The following CYP2C18 variants were observed in gnomAD, a reference collection of about 807,000 sequenced individuals.
The protein encoded by CYP2C18 is cytochrome P450 family 2 subfamily C member 18.
In CYP2C18, 38 loss-of-function variants were observed where a neutral mutation model predicts 41.3. That is an observed-to-expected ratio of 0.92 (90% CI 0.71 to 1.21). The LOEUF (loss-of-function observed/expected upper bound fraction) is 1.21. Ranked by LOEUF, CYP2C18 falls within the 50% of genes most tolerant of loss-of-function variation. The probability of loss-of-function intolerance (pLI) is 0.00; values close to 1 mark genes in which losing one functional copy is unlikely to be tolerated. For synonymous variants in CYP2C18, 236 were observed against 210.0 expected, an observed-to-expected ratio of 1.12 and a Z score of -1.07; for missense variants, 635 against 591.4, an observed-to-expected ratio of 1.07 and a Z score of -0.77.
chr10:94,693,811 C>T (rs1174250584), intron 3 of CYP2C18, among the ~76,000 whole-genome samples: 1 of 152,150 alleles, frequency 6.6e-6, no homozygotes, highest in Non-Finnish European at 1.5e-5. Context: ...ATTCATGATA[C>T]TCTCACATGT....
At position 94,724,539 on chromosome 10, in the gene CYP2C18, C is replaced by T. The variant is rs1189742720; in HGVS notation, c.1149+6C>T. The stretch of plus-strand genomic sequence containing the variant: ...AAAACTACCTCATCCCCAAGGTAAG[C>T]TTGTTTCTCCTACACTACATCTCCA... On this transcript the variant is annotated splice_donor_region_variant and intron_variant, in intron 7 of 8. Transcript: ENST00000285979. The T allele has an allele frequency of 1.9e-6, 3 of 1,611,514 alleles. No homozygotes were observed. Among genetic ancestry groups the T allele is most frequent in the African/African-American group, 2.7e-5 (2 of 74,838 alleles).
At chr10:94,715,604 T>C (rs1847525389) in intron 5 of CYP2C18, among the ~76,000 whole-genome samples, 1 of 152,188 alleles carries the variant, frequency 6.6e-6, no homozygotes, top group African/African-American at 2.4e-5. Context: ...TTGAGGATTT[T>C]TGTATCGATG....
chr10:94,684,742 A>T (rs959251896), intron 1 of CYP2C18, among the ~76,000 whole-genome samples: 4 of 152,042 alleles, frequency 2.6e-5, no homozygotes, highest in Non-Finnish European at 5.9e-5. Flanking sequence ...ATCATCTGAT[A>T]GTTCTATTTT....
chr10:94,700,188 G>T (rs1442397002), intron 4 of CYP2C18, among the ~76,000 whole-genome samples: 1 of 152,282 alleles, frequency 6.6e-6, no homozygotes, highest in East Asian at 1.9e-4. Context: ...TAAGCCGAAA[G>T]AACAAAGCTG....
chr10:94,685,685 C>CA (rs1465753944), intron 1 of CYP2C18, among the ~76,000 whole-genome samples: 1 of 152,116 alleles, frequency 6.6e-6, no homozygotes, highest in Non-Finnish European at 1.5e-5. Context: ...GCACCTTTGT[C>CA]AAAAATCAAT....
chr10:94,711,824 C>CT lies in CYP2C18; in HGVS notation c.819+4874dup, dbSNP rs74571308. ...AGTCTGTACATGTCCAATATGAACA[C>CT]TTTTTTTTTTCTGAATTTTATTCTT... On this transcript the variant is annotated intron_variant, in intron 5 of 8. Coordinates refer to ENST00000285979, the MANE Select transcript of CYP2C18 (RefSeq NM_000772.3). Among the ~76,000 whole-genome samples the CT allele has an allele frequency of 2.1e-3, 307 of 148,888 alleles. 1 individual carries two copies. Among genetic ancestry groups the CT allele is most frequent in the Middle Eastern group, 0.014 (4 of 280 alleles).
chr10:94,685,709 G>A (rs780299667), intron 1 of CYP2C18, among the ~76,000 whole-genome samples: 33 of 152,146 alleles, frequency 2.2e-4, no homozygotes, highest in Non-Finnish European at 3.4e-4. Flanking sequence ...TTATAGATGT[G>A]TGGGCTTATT....
At chr10:94,693,592 A>C (rs1339566324) in intron 3 of CYP2C18, among the ~76,000 whole-genome samples, 3 of 152,160 alleles carry the variant, frequency 2.0e-5, no homozygotes, top group African/African-American at 7.2e-5. Context: ...GCATGCATGC[A>C]TGCACACACA....
intron 7 of CYP2C18, chr10:94,728,613 A>G (rs1847781301): frequency 2.0e-6 from 2 of 976,392 alleles, no homozygotes; most frequent in Non-Finnish European, 2.4e-6. Flanking sequence ...AGAAACATAT[A>G]GCATTTCTGT....
intron 7 of CYP2C18, among the ~76,000 whole-genome samples, chr10:94,728,382 A>C (rs112590419): frequency 6.6e-6 from 1 of 152,248 alleles, no homozygotes; most frequent in African/African-American, 2.4e-5. Flanking sequence ...TTTCATATGC[A>C]GTTAATAAAA....
intron 1 of CYP2C18, among the ~76,000 whole-genome samples, chr10:94,686,640 G>T (rs1357880217): frequency 6.6e-6 from 1 of 152,174 alleles, no homozygotes; most frequent in African/African-American, 2.4e-5. Flanking sequence ...ACATTCCTCA[G>T]CATTCCTCCT....
chr10:94,721,076 C>T (rs2134202909), intron 6 of CYP2C18, among the ~76,000 whole-genome samples: 1 of 151,842 alleles, frequency 6.6e-6, no homozygotes, highest in South Asian at 2.1e-4. Context: ...TGCAGTGGTG[C>T]AATCTTGGCT....
intron 7 of CYP2C18, among the ~76,000 whole-genome samples, chr10:94,732,150 A>G (rs1847844904): frequency 6.6e-5 from 10 of 152,244 alleles, no homozygotes. Context: ...AAATAATGCC[A>G]TTAAAAAGTA....
At chr10:94,707,058 A>G (rs2134191150) in intron 5 of CYP2C18, 98 bp downstream of exon 5, 2 of 955,274 alleles carry the variant, frequency 2.1e-6, no homozygotes, top group Middle Eastern at 2.5e-4. Flanking sequence ...TGAGCACTTT[A>G]TGTACTTACC....
chr10:94,712,304 A>T (rs1351869213), intron 5 of CYP2C18, among the ~76,000 whole-genome samples: 1 of 151,792 alleles, frequency 6.6e-6, no homozygotes, highest in African/African-American at 2.4e-5. Context: ...TTACTCCTCC[A>T]TTCTAACAGG....
chr10:94,728,626 T>A, intron 7 of CYP2C18: 1 of 976,370 alleles, frequency 1.0e-6, no homozygotes, highest in Non-Finnish European at 1.2e-6. Flanking sequence ...ATTTCTGTGA[T>A]CAACCCCTCA....
At chr10:94,707,572 C>A (rs1224867615) in intron 5 of CYP2C18, among the ~76,000 whole-genome samples, 3 of 152,060 alleles carry the variant, frequency 2.0e-5, no homozygotes, top group African/African-American at 7.2e-5. Context: ...TGAGCCCTAA[C>A]AAGAGTGGGA....
At chr10:94,727,404 C>G (rs558966952) in intron 7 of CYP2C18, among the ~76,000 whole-genome samples, 2 of 152,214 alleles carry the variant, frequency 1.3e-5, no homozygotes, top group Non-Finnish European at 2.9e-5. Context: ...CATTTGCACC[C>G]AGGAGCTGGA....
intron 5 of CYP2C18, among the ~76,000 whole-genome samples, chr10:94,717,827 C>G (rs1035726030): frequency 1.3e-5 from 2 of 152,054 alleles, no homozygotes; most frequent in Admixed American, 6.6e-5. Context: ...ATTTTTATGC[C>G]AGTACCATGC....
Sources: allele counts gnomAD v4.1 joint callset (sites outside exome capture counted in the v4.1 genomes callset), GRCh38; gene constraint gnomAD v4.1.1; transcripts MANE v1.5; gene names NCBI Gene and HGNC (gene_info 2026-07-23, HGNC 2026-07-21).